The following DPCD variants were observed in gnomAD, a reference collection of about 807,000 sequenced individuals.
DPCD encodes protein DPCD.
DPCD carries 20 observed loss-of-function variants against 26.4 expected under a neutral mutation model. That is an observed-to-expected ratio of 0.76 (90% CI 0.53 to 1.10). The LOEUF (loss-of-function observed/expected upper bound fraction) is 1.10. Ranked by LOEUF, DPCD falls within the 50% of genes least tolerant of loss-of-function variation. The pLI is 0.00. For missense variants in DPCD, 202 were observed against 253.9 expected (o/e 0.80, Z 1.39); for synonymous variants, 97 against 94.2 (o/e 1.03, Z -0.17).
At chr10:101,596,299 C>T (rs2063651412) in intron 2 of DPCD, among the ~76,000 whole-genome samples, 1 of 151,828 alleles carries the variant, frequency 6.6e-6, no homozygotes, top group South Asian at 2.1e-4. Flanking sequence ...ATATTAATAG[C>T]GTGACTCTTA....
chr10:101,609,539 AC>A lies in DPCD; in HGVS notation c.*70del. ...AGACTTCAAGGCTTGGCCCTTCTTG[AC>A]CACGGCAGCCTCCTGTCTTCTAGGA... On this transcript the variant is annotated 3_prime_UTR_variant, in exon 6 of 6. Coordinates refer to ENST00000370151, the MANE Select transcript of DPCD (RefSeq NM_015448.3). 1 of 1,421,584 alleles carries A rather than the reference AC, an allele frequency of 7.0e-7. No individual in the cohort carries two copies. Among genetic ancestry groups the A allele is most frequent in the Non-Finnish European group, 9.8e-7 (1 of 1,021,906 alleles). 88.1% of individuals were successfully genotyped at this position (1,421,584 alleles called of 1,614,324 possible). A position where few individuals can be genotyped will look rare whatever the true frequency, so the allele number is the denominator to read the frequency against.
At chr10:101,593,192 C>G (rs1485209469) in intron 1 of DPCD, among the ~76,000 whole-genome samples, 3 of 152,162 alleles carry the variant, frequency 2.0e-5, no homozygotes, top group African/African-American at 7.2e-5. Context: ...ACCCCCTCAG[C>G]TCCTCCCAGG....
intron 2 of DPCD, among the ~76,000 whole-genome samples, chr10:101,596,140 T>C (rs914201652): frequency 6.6e-6 from 1 of 152,258 alleles, no homozygotes; most frequent in Non-Finnish European, 1.5e-5. Flanking sequence ...TGTAGCACCA[T>C]GTGCCCTGAT....
At position 101,598,611 on chromosome 10, in the gene DPCD, C is replaced by CTTTTTTTTTT. The variant is rs71016333; in HGVS notation, c.146-2106_146-2097dup. Among the ~76,000 whole-genome samples, 18 of 74,980 alleles carry CTTTTTTTTTT rather than the reference C, an allele frequency of 2.4e-4. 6 individuals are homozygous for CTTTTTTTTTT. Among genetic ancestry groups the CTTTTTTTTTT allele is most frequent in the East Asian group, 8.4e-4 (2 of 2,392 alleles). The allele number at this position is 74,980 out of a possible 152,430, so 49.2% of individuals were successfully genotyped here. On this transcript the variant is annotated intron_variant, in intron 2 of 5. Transcript: ENST00000370151. The stretch of plus-strand genomic sequence containing the variant: ...AATACAGACATTGGGTAGATGCTTT[C>CTTTTTTTTTT]TTTTTTTTTTTTTTTTTTTTTTTTT...
Position 101,601,212 on chromosome 10 carries a change from A to G in DPCD, c.280A>G (p.Met94Val), listed in dbSNP as rs115312045. The change falls in exon 4 of 6, where the codon ATG (methionine) becomes GTG (valine). Residue 94 changes from methionine to valine, a missense_variant. Physicochemically the swap from Met to Val is conservative, Grantham distance 21. This residue lies in a region of DPCD where 118 missense variants were observed against 145.1 expected (regional missense o/e 0.81). Coordinates refer to ENST00000370151, the MANE Select transcript of DPCD (RefSeq NM_015448.3). Reference sequence around the variant, plus strand: ...GATTTGCCTTCTGCAGCCTATCTTCATGCGCAAGGACACCAAGATGAGTTT... The same window carrying G: ...GATTTGCCTTCTGCAGCCTATCTTCGTGCGCAAGGACACCAAGATGAGTTT... ...IKESNANPIF[M>V]RKDTKMSFQW... The G allele has an allele frequency of 2.5e-6, 4 of 1,613,548 alleles. No individual in the cohort carries two copies. In the Admixed American group the frequency reaches 5.0e-5, roughly 20 times the overall value.
In DPCD at chr10:101,599,365, G is replaced by C. The variant is rs200072892; in HGVS notation, c.146-1373G>C. Reference sequence around the variant, plus strand: ...CTGGTCACAGTCCGTTCACTTAAGAGAGAAGTATTTGTGGGGGAAAAAAGT... The same window carrying C: ...CTGGTCACAGTCCGTTCACTTAAGACAGAAGTATTTGTGGGGGAAAAAAGT... On this transcript the variant is annotated intron_variant, in intron 2 of 5. Coordinates refer to ENST00000370151, the MANE Select transcript of DPCD (RefSeq NM_015448.3). Among the ~76,000 whole-genome samples the C allele has an allele frequency of 5.9e-5, 9 of 152,322 alleles. No individual in the cohort carries two copies. In the East Asian group the frequency reaches 1.7e-3, roughly 29 times the overall value.
chr10:101,602,097 A>G lies in DPCD; in HGVS notation c.404+761A>G, dbSNP rs149258269. ...AAGGGAATGACCCTGAAATGAATCA[A>G]TCTTGACCTGGGCTAGAGAGAATAC... On this transcript the variant is annotated intron_variant, in intron 4 of 5. Transcript: ENST00000370151. Among the ~76,000 whole-genome samples, 21 of 152,338 alleles carry G rather than the reference A, an allele frequency of 1.4e-4. No homozygotes were observed. The East Asian group carries it at 2.9e-3, about 21-fold the overall frequency.
intron 2 of DPCD, among the ~76,000 whole-genome samples, chr10:101,598,611 CTTTTTTTTTT>C (rs71016333): frequency 8.0e-5 from 6 of 74,980 alleles, no homozygotes; most frequent in South Asian, 6.3e-4. Flanking sequence ...TAGATGCTTT[CTTTTTTTTTT>C]TTTTTTTTTT....
chr10:101,599,411 A>G (rs949240829), intron 2 of DPCD, among the ~76,000 whole-genome samples: 46 of 152,322 alleles, frequency 3.0e-4, no homozygotes, highest in African/African-American at 1.0e-3. Context: ...GCATATTTCC[A>G]AGTTTTACTC....
rs1259063392 is a variant in DPCD, at chr10:101,603,585, C to G, written c.404+2249C>G. Among the ~76,000 whole-genome samples the G allele has an allele frequency of 1.3e-5, 2 of 152,080 alleles. No individual in the cohort carries two copies. The highest frequency in any genetic ancestry group is 4.8e-5 in the African/African-American group (2 of 41,424). On this transcript the variant is annotated intron_variant, in intron 4 of 5. Transcript: ENST00000370151. This position sits in a 1 kb window ranked among gnomAD's most constrained non-coding sequence, Gnocchi z 4.6. ...CCAGCCTGGCCAACATGGCGAAACC[C>G]TGTCTCTCTAAAAATACAAAAATTA...
intron 4 of DPCD, among the ~76,000 whole-genome samples, chr10:101,607,769 C>A (rs2063743228): frequency 6.6e-6 from 1 of 152,218 alleles, no homozygotes; most frequent in Admixed American, 6.5e-5. Context: ...ACAGCCCATA[C>A]AACCTCTGCA....
chr10:101,597,234 C>T (rs2063659856), intron 2 of DPCD, among the ~76,000 whole-genome samples: 1 of 152,212 alleles, frequency 6.6e-6, no homozygotes, highest in South Asian at 2.1e-4. Flanking sequence ...CCCCAGGCTG[C>T]ATTTGGAGGA....
chr10:101,589,150 C>T (rs1016086351), intron 1 of DPCD, among the ~76,000 whole-genome samples: 12 of 152,264 alleles, frequency 7.9e-5, no homozygotes, highest in Admixed American at 7.8e-4. Flanking sequence ...CAACTGGTGA[C>T]TCATGTTCAC....
At chr10:101,605,024 G>T (rs2063723648) in intron 4 of DPCD, 4 of 1,434,468 alleles carry the variant, frequency 2.8e-6, no homozygotes, top group Admixed American at 4.9e-5. Flanking sequence ...GGGGCCGAGA[G>T]CCTTTAGTAT....
At chr10:101,608,993 C>T in intron 5 of DPCD, 56 bp downstream of exon 5, 1 of 1,402,360 alleles carries the variant, frequency 7.1e-7, no homozygotes, top group Non-Finnish European at 1.0e-6. Flanking sequence ...TCCTCTTTCC[C>T]TGCCCACTTC....
At chr10:101,601,861 AG>A (rs749976874) in intron 4 of DPCD, among the ~76,000 whole-genome samples, 8 of 152,190 alleles carry the variant, frequency 5.3e-5, no homozygotes, top group Admixed American at 1.3e-4. Flanking sequence ...ACAGTGGGGC[AG>A]ATGCTTGGGC....
intron 4 of DPCD, among the ~76,000 whole-genome samples, chr10:101,605,496 C>T (rs1263183593): frequency 6.6e-6 from 1 of 152,110 alleles, no homozygotes; most frequent in Non-Finnish European, 1.5e-5. Context: ...CTCTTTTATT[C>T]GAAGAAGGAA....
chr10:101,597,254 C>T (rs976296807), intron 2 of DPCD, among the ~76,000 whole-genome samples: 3 of 152,234 alleles, frequency 2.0e-5, no homozygotes, highest in African/African-American at 7.2e-5. Flanking sequence ...ATATTGAGCA[C>T]TTTCATCCCC....
intron 4 of DPCD, 30 bp downstream of exon 4, chr10:101,601,366 T>A (rs2063697298): frequency 6.2e-7 from 1 of 1,611,256 alleles, no homozygotes; most frequent in Non-Finnish European, 8.5e-7. Flanking sequence ...CCCTGTGTGC[T>A]TGTGTATGAG....
Sources: allele counts gnomAD v4.1 joint callset (sites outside exome capture counted in the v4.1 genomes callset), GRCh38; gene constraint gnomAD v4.1.1; regional missense constraint gnomAD v4.1.1; non-coding constraint Gnocchi (gnomAD v3.1); transcripts MANE v1.5; gene names NCBI Gene and HGNC (gene_info 2026-07-23, HGNC 2026-07-21).